ZNF71: variants seen among roughly 807,000 people sequenced by gnomAD.
ZNF71 encodes the protein zinc finger protein 71, also known as endothelial zinc finger protein induced by tumor necrosis factor alpha.
In ZNF71, 3 loss-of-function variants were observed where a neutral mutation model predicts 6.7. The ratio of observed to expected loss-of-function variants is 0.45; its 90% confidence interval spans 0.20 to 1.16. ZNF71 has a LOEUF of 1.16. Among genes scored for constraint, ZNF71 ranks in the 50% most tolerant of loss-of-function variants. The pLI is 0.25. For synonymous variants in ZNF71, 343 were observed against 311.1 expected (o/e 1.10, Z -1.08); for missense variants, 688 against 728.6 (o/e 0.94, Z 0.64).
chr19:56,622,460 C>G lies in ZNF71; in HGVS notation c.1353C>G (p.Phe451Leu). The G allele has an allele frequency of 6.2e-7, 1 of 1,613,590 alleles. No individual in the cohort carries two copies. Among genetic ancestry groups the G allele is most frequent in the East Asian group, 2.2e-5 (1 of 44,830 alleles). ...AGTGCTACATCTGCAAGAAGCACTTCACGGGGCGCTCGTCCCTCATCGTGC... is the reference window on the plus strand; with the variant it reads ...AGTGCTACATCTGCAAGAAGCACTTGACGGGGCGCTCGTCCCTCATCGTGC... ...PYECYICKKHFTGRSSLIVHQ... is the reference protein window; with the variant it reads ...PYECYICKKHLTGRSSLIVHQ... The change falls in exon 4 of 4, where the codon TTC becomes TTG. Residue 451 changes from phenylalanine to leucine, a missense_variant. Phe to Leu is a conservative substitution (Grantham distance 22, BLOSUM62 0). Transcript: ENST00000599599.
At chr19:56,605,934 G>A (rs1394080170) in intron 2 of ZNF71, among the ~76,000 whole-genome samples, 1 of 152,192 alleles carries the variant, frequency 6.6e-6, no homozygotes, top group Non-Finnish European at 1.5e-5. Context: ...TAATGTTGGG[G>A]CTGAGAGTTG....
In ZNF71 at chr19:56,622,903, T is replaced by C; in HGVS notation, c.*146T>C. The stretch of plus-strand genomic sequence containing the variant: ...CAGGAATGTGGGGTTGTGGAGGGGC[T>C]GGCTGATCACACATGCCCCCTCCTT... On this transcript the variant is annotated 3_prime_UTR_variant, in exon 4 of 4. Coordinates refer to ENST00000599599, the MANE Select transcript of ZNF71 (RefSeq NM_001370215.1). The C allele has an allele frequency of 9.2e-7, 1 of 1,084,818 alleles. No individual in the cohort carries two copies. Among genetic ancestry groups the C allele is most frequent in the Non-Finnish European group, 1.3e-6 (1 of 766,170 alleles). 67.2% of individuals were successfully genotyped at this position (1,084,818 alleles called of 1,614,324 possible).
rs1159029865 is a variant in ZNF71, at chr19:56,601,512, T to C, written c.-47T>C. 6 of 985,528 alleles carry C rather than the reference T, an allele frequency of 6.1e-6. No homozygotes were observed. Among genetic ancestry groups the C allele is most frequent in the Non-Finnish European group, 7.2e-6 (6 of 829,854 alleles). 61.0% of individuals were successfully genotyped at this position (985,528 alleles called of 1,614,324 possible). A position where few individuals can be genotyped will look rare whatever the true frequency, so the allele number is the denominator to read the frequency against. On this transcript the variant is annotated 5_prime_UTR_variant, in exon 2 of 4. Transcript: ENST00000599599. ...CCTCTTTCTTCTCCCTACAGCACTG[T>C]TGGTCACCGCAGGCCTGTCTTCCTA...
Position 56,623,677 on chromosome 19 carries a change from G to C in ZNF71, c.*920G>C, listed in dbSNP as rs2044884650. On this transcript the variant is annotated 3_prime_UTR_variant, in exon 4 of 4. Transcript: ENST00000599599. Reference sequence around the variant, plus strand: ...TGCTGTAACAAAAGACCTTAGACTGGGTAATTTATAAACAATAGAAATTTG... The same window carrying C: ...TGCTGTAACAAAAGACCTTAGACTGCGTAATTTATAAACAATAGAAATTTG... 6.0e-6 allele frequency: 1 copy of C among 167,082 alleles called. No individual in the cohort carries two copies. Among genetic ancestry groups the C allele is most frequent in the East Asian group, 1.9e-4 (1 of 5,206 alleles). The allele number at this position is 167,082 out of a possible 1,614,324, so 10.3% of individuals were successfully genotyped here. A position where few individuals can be genotyped will look rare whatever the true frequency, so the allele number is the denominator to read the frequency against.
Position 56,622,541 on chromosome 19 carries a change from C to G in ZNF71, c.1434C>G (p.Ala478=), listed in dbSNP as rs749607008. ...KPYVCGECGK[A]FSQSAYLIEH... is the part of the protein sequence containing the mutation. ...ACGTGTGCGGCGAGTGCGGCAAGGC[C>G]TTCAGCCAGAGCGCCTACCTCATCG... The change falls in exon 4 of 4, where the codon GCC becomes GCG. Residue 478 remains alanine, a synonymous_variant. Coordinates refer to ENST00000599599, the MANE Select transcript of ZNF71 (RefSeq NM_001370215.1). 9.3e-6 allele frequency: 15 copies of G among 1,610,220 alleles called. No homozygotes were observed. In the Admixed American group the frequency reaches 2.5e-4, roughly 27 times the overall value.
chr19:56,622,478 C>CATCGTGCACCAG lies in ZNF71; in HGVS notation c.1381_1392dup (p.Gln461_His464dup). Reference sequence around the variant, plus strand: ...AGCACTTCACGGGGCGCTCGTCCCTCATCGTGCACCAGATCGTGCACACCG... The same window carrying CATCGTGCACCAG: ...AGCACTTCACGGGGCGCTCGTCCCTCATCGTGCACCAGATCGTGCACCAGATCGTGCACACCG... On this transcript the variant is annotated inframe_insertion, in exon 4 of 4. Coordinates refer to ENST00000599599, the MANE Select transcript of ZNF71 (RefSeq NM_001370215.1). The CATCGTGCACCAG allele has an allele frequency of 6.2e-7, 1 of 1,609,212 alleles. No homozygotes were observed. The highest frequency in any genetic ancestry group is 8.5e-7 in the Non-Finnish European group (1 of 1,176,852).
intron 1 of ZNF71, among the ~76,000 whole-genome samples, chr19:56,596,408 C>T (rs367707964): frequency 6.6e-5 from 10 of 152,138 alleles, no homozygotes; most frequent in Admixed American, 6.5e-5. Flanking sequence ...TCTCACCCTA[C>T]GCTTCTCCTA....
rs114896176 is a variant in ZNF71 at position 56,603,676 on chromosome 19, T to C, written c.33+2085T>C. 5.2e-4 allele frequency among the ~76,000 whole-genome samples: 79 copies of C among 152,334 alleles called. No individual in the cohort carries two copies. The highest frequency in any genetic ancestry group is 1.9e-3 in the African/African-American group (77 of 41,572). ...AAGCGATTGCACCATGATGCCTTCATTTTTGTCTCATCTGTGATTCTTGCC... is the reference window on the plus strand; with the variant it reads ...AAGCGATTGCACCATGATGCCTTCACTTTTGTCTCATCTGTGATTCTTGCC... On this transcript the variant is annotated intron_variant, in intron 2 of 3. Coordinates refer to ENST00000599599, the MANE Select transcript of ZNF71 (RefSeq NM_001370215.1). The surrounding 1 kb of genome is among the most constrained non-coding windows in gnomAD (Gnocchi z 4.6).
intron 2 of ZNF71, among the ~76,000 whole-genome samples, chr19:56,607,105 G>C (rs1482545615): frequency 6.6e-6 from 1 of 152,156 alleles, no homozygotes; most frequent in African/African-American, 2.4e-5. Flanking sequence ...TACCAGAAAA[G>C]CATGGTTGAA....
Position 56,622,768 on chromosome 19 carries a change from G to A in ZNF71, c.*11G>A, listed in dbSNP as rs2044874390. 2 of 1,580,820 alleles carry A rather than the reference G, an allele frequency of 1.3e-6. No individual in the cohort carries two copies. Among genetic ancestry groups the A allele is most frequent in the Admixed American group, 1.7e-5 (1 of 57,804 alleles). ...CGGATTCACACCTGAGCGCCTCTGTGCAGGGCTCTCACTGGCGGTGCCCAG... is the reference window on the plus strand; with the variant it reads ...CGGATTCACACCTGAGCGCCTCTGTACAGGGCTCTCACTGGCGGTGCCCAG... On this transcript the variant is annotated 3_prime_UTR_variant, in exon 4 of 4. Transcript: ENST00000599599.
In ZNF71 at chr19:56,598,003, C is replaced by T. The variant is rs535491193; in HGVS notation, c.-53+2575C>T. On this transcript the variant is annotated intron_variant, in intron 1 of 3. Transcript: ENST00000599599. The surrounding 1 kb of genome is among the most constrained non-coding windows in gnomAD (Gnocchi z 4.2). ...GTCTAAGTGCCTCCTGTGTGTTAGA[C>T]GTTGTCCTAGATGTCGGAAATACAA... Among the ~76,000 whole-genome samples the T allele has an allele frequency of 2.1e-3, 316 of 152,306 alleles. 1 individual carries two copies. Among genetic ancestry groups the T allele is most frequent in the Non-Finnish European group, 3.2e-3 (217 of 68,032 alleles).
intron 2 of ZNF71, among the ~76,000 whole-genome samples, chr19:56,608,174 G>A (rs2044723862): frequency 6.6e-6 from 1 of 151,946 alleles, no homozygotes; most frequent in South Asian, 2.1e-4. Flanking sequence ...GTGTGCAGTT[G>A]AGTGGCATTA....
intron 2 of ZNF71, among the ~76,000 whole-genome samples, chr19:56,605,683 G>A (rs927229592): frequency 4.6e-5 from 7 of 152,330 alleles, no homozygotes; most frequent in Middle Eastern, 3.4e-3. Context: ...AATGTGAGAC[G>A]TGCAGGCCTT....
At chr19:56,604,780 G>C (rs2044697226) in intron 2 of ZNF71, among the ~76,000 whole-genome samples, 1 of 152,228 alleles carries the variant, frequency 6.6e-6, no homozygotes, top group Non-Finnish European at 1.5e-5. Context: ...TAGGACCATA[G>C]AGGGACTAGC....
At chr19:56,615,557 TG>T (rs2044784216) in intron 3 of ZNF71, among the ~76,000 whole-genome samples, 1 of 88,804 alleles carries the variant, frequency 1.1e-5, no homozygotes, top group South Asian at 5.3e-4. Context: ...AGTCTTTTCC[TG>T]TTTTTTTTTT....
At chr19:56,599,244 G>C (rs1600582119) in intron 1 of ZNF71, among the ~76,000 whole-genome samples, 4 of 152,310 alleles carry the variant, frequency 2.6e-5, no homozygotes, top group Non-Finnish European at 5.9e-5. Context: ...GACTGAGCCA[G>C]CATGTCTCAG....
rs1261217204 is a variant in ZNF71 at position 56,618,979 on chromosome 19, C to T, written c.161-2289C>T. 6.6e-6 allele frequency among the ~76,000 whole-genome samples: 1 copy of T among 152,048 alleles called. No homozygotes were observed. On this transcript the variant is annotated intron_variant, in intron 3 of 3. Transcript: ENST00000599599. The surrounding 1 kb of genome is among the most constrained non-coding windows in gnomAD (Gnocchi z 4.6). ...TGCTGTCGCATTTCAGGCAAGGACC[C>T]GTGGTGGCCAGCCGGCTTTTTGTCA...
Position 56,600,262 on chromosome 19 carries a change from A to G in ZNF71, c.-52-1245A>G, listed in dbSNP as rs866930145. 7.3e-4 allele frequency among the ~76,000 whole-genome samples: 10 copies of G among 13,752 alleles called. 2 individuals are homozygous for G. Among genetic ancestry groups the G allele is most frequent in the African/African-American group, 2.1e-3 (10 of 4,670 alleles). 9.0% of individuals were successfully genotyped at this position (13,752 alleles called of 152,430 possible). A position where few individuals can be genotyped will look rare whatever the true frequency, so the allele number is the denominator to read the frequency against. On this transcript the variant is annotated intron_variant, in intron 1 of 3. Transcript: ENST00000599599. ...TCGGACTGCGGACTGCAGTGGCGCA[A>G]TCTCGGCTCACTGCAAGCTCCGCTT...
At chr19:56,619,914 A>G (rs1446815043) in intron 3 of ZNF71, among the ~76,000 whole-genome samples, 1 of 152,198 alleles carries the variant, frequency 6.6e-6, no homozygotes, top group Non-Finnish European at 1.5e-5. Flanking sequence ...CTAGGCTAGA[A>G]ATCGAGGTTT....
Sources: allele counts gnomAD v4.1 joint callset (sites outside exome capture counted in the v4.1 genomes callset), GRCh38; gene constraint gnomAD v4.1.1; non-coding constraint Gnocchi (gnomAD v3.1); transcripts MANE v1.5; gene names NCBI Gene and HGNC (gene_info 2026-07-23, HGNC 2026-07-21).